The following ADARB1 variants were observed in gnomAD, a reference collection of about 807,000 sequenced individuals.
ADARB1 encodes adenosine deaminase RNA specific B1.
In ADARB1, 10 loss-of-function variants were observed where a neutral mutation model predicts 52.4. That is an observed-to-expected ratio of 0.19 (90% CI 0.12 to 0.32). The LOEUF is 0.32. Ranked by LOEUF, ADARB1 falls within the 10% of genes least tolerant of loss-of-function variation. The pLI is 1.00. For missense variants in ADARB1, 643 were observed against 922.3 expected, an observed-to-expected ratio of 0.70 and a Z score of 3.92; for synonymous variants, 349 against 371.1, an observed-to-expected ratio of 0.94 and a Z score of 0.68.
intron 1 of ADARB1, among the ~76,000 whole-genome samples, chr21:45,105,240 A>G (rs1432748234): frequency 6.6e-6 from 1 of 152,108 alleles, no homozygotes; most frequent in Non-Finnish European, 1.5e-5. Flanking sequence ...AGCTGGGATT[A>G]CAGGTGCCCG....
chr21:45,184,519 G>A, intron 7 of ADARB1: 2 of 342,110 alleles, frequency 5.8e-6, no homozygotes, highest in South Asian at 2.3e-5. Flanking sequence ...TGCAATCATG[G>A]CTCACTGCAG....
intron 2 of ADARB1, among the ~76,000 whole-genome samples, chr21:45,162,418 C>T (rs536764527): frequency 1.3e-5 from 2 of 152,140 alleles, no homozygotes; most frequent in African/African-American, 4.8e-5. Flanking sequence ...ACACCTGGCT[C>T]CCCCTTGGCA....
In ADARB1 at chr21:45,222,824, A is replaced by C; in HGVS notation, c.*627A>C. 1.0e-6 allele frequency: 1 copy of C among 985,548 alleles called. No individual in the cohort carries two copies. Among genetic ancestry groups the C allele is most frequent in the Non-Finnish European group, 1.2e-6 (1 of 830,022 alleles). The allele number at this position is 985,548 out of a possible 1,614,324, so 61.1% of individuals were successfully genotyped here. On this transcript the variant is annotated 3_prime_UTR_variant, in exon 11 of 11. Coordinates refer to ENST00000348831, the MANE Select transcript of ADARB1 (RefSeq NM_001112.4). ...GTCTCTCCCTGAGGAGCAGACTCCC[A>C]GCATGGTGTAGCGTGGCCCTGTCAT...
intron 2 of ADARB1, among the ~76,000 whole-genome samples, chr21:45,171,230 G>A (rs1033655028): frequency 1.3e-5 from 2 of 152,194 alleles, no homozygotes; most frequent in Non-Finnish European, 2.9e-5. Flanking sequence ...CCCTAGTTCA[G>A]CGCTCTTCAT....
intron 1 of ADARB1, among the ~76,000 whole-genome samples, chr21:45,077,245 A>G (rs914170499): frequency 6.6e-6 from 1 of 152,240 alleles, no homozygotes; most frequent in African/African-American, 2.4e-5. Flanking sequence ...TATAATTCAA[A>G]TAGGAGGTAG....
intron 1 of ADARB1, among the ~76,000 whole-genome samples, chr21:45,126,867 C>T (rs1281807702): frequency 1.3e-5 from 2 of 152,224 alleles, no homozygotes; most frequent in African/African-American, 2.4e-5. Flanking sequence ...GTTTCCCATC[C>T]TGCAGACGGC....
chr21:45,190,748 CA>C (rs2092259119), intron 8 of ADARB1, among the ~76,000 whole-genome samples: 1 of 152,220 alleles, frequency 6.6e-6, no homozygotes, highest in South Asian at 2.1e-4. Context: ...ACTCTGGCAC[CA>C]GTCTCATCAC....
rs909966303 is a variant in ADARB1, at chr21:45,226,266, C to G, written c.*4069C>G. The G allele has an allele frequency of 1.3e-5, 2 of 152,558 alleles. No individual in the cohort carries two copies. The highest frequency in any genetic ancestry group is 4.1e-4 in the South Asian group (2 of 4,832). 9.5% of individuals were successfully genotyped at this position (152,558 alleles called of 1,614,324 possible). ...TGAACTGAACGGTTAAAAGCACAGTCTATGGAACGCTAATGGAGTCAGCCC... is the reference window on the plus strand; with the variant it reads ...TGAACTGAACGGTTAAAAGCACAGTGTATGGAACGCTAATGGAGTCAGCCC... On this transcript the variant is annotated 3_prime_UTR_variant, in exon 11 of 11. Coordinates refer to ENST00000348831, the MANE Select transcript of ADARB1 (RefSeq NM_001112.4).
chr21:45,182,902 A>G (rs1569133419), intron 6 of ADARB1, 149 bp downstream of exon 6: 9 of 738,564 alleles, frequency 1.2e-5, no homozygotes, highest in East Asian at 1.1e-4. Context: ...GCTGCATCCC[A>G]TTCTTCCACA....
intron 1 of ADARB1, among the ~76,000 whole-genome samples, chr21:45,083,578 C>T (rs560742455): frequency 6.6e-5 from 10 of 152,204 alleles, no homozygotes; most frequent in Non-Finnish European, 1.0e-4. Context: ...ATACTTATAA[C>T]TACATCTTGA....
chr21:45,216,890 T>A (rs907336926), intron 9 of ADARB1, among the ~76,000 whole-genome samples: 2 of 152,034 alleles, frequency 1.3e-5, no homozygotes, highest in African/African-American at 4.8e-5. Context: ...TGTGATTAGA[T>A]GCATAAAAAT....
Position 45,222,068 on chromosome 21 carries a change from T to G in ADARB1, c.1977T>G (p.His659Gln). Residue 659 changes from histidine (H) to glutamine (Q), a missense_variant, in exon 11 of 11, where the codon CAT becomes CAG. By Grantham distance (24) the His-to-Gln change is conservative (BLOSUM62 0). Transcript: ENST00000348831. ...AGATTACCAAGCCCAACGTGTACCATGAGTCCAAGCTGGCGGCAAAGGAGT... is the reference window on the plus strand; with the variant it reads ...AGATTACCAAGCCCAACGTGTACCAGGAGTCCAAGCTGGCGGCAAAGGAGT... ...RSKITKPNVY[H>Q]ESKLAAKEYQ... The G allele has an allele frequency of 6.2e-7, 1 of 1,613,676 alleles. No individual in the cohort carries two copies. The highest frequency in any genetic ancestry group is 8.5e-7 in the Non-Finnish European group (1 of 1,179,980).
rs565307659 is a variant in ADARB1, at chr21:45,102,433, C to T, written c.-219-25969C>T. Reference sequence around the variant, plus strand: ...ACAACTATATTTTTTAAACATGTAGCTGCATGTTCCATAAAACAGCATATA... The same window carrying T: ...ACAACTATATTTTTTAAACATGTAGTTGCATGTTCCATAAAACAGCATATA... On this transcript the variant is annotated intron_variant, in intron 1 of 10. Transcript: ENST00000348831. 3.9e-5 allele frequency among the ~76,000 whole-genome samples: 6 copies of T among 152,276 alleles called. No individual in the cohort carries two copies. In the East Asian group the frequency reaches 1.2e-3, roughly 29 times the overall value.
At chr21:45,218,718 A>G (rs1189049843) in intron 9 of ADARB1, among the ~76,000 whole-genome samples, 1 of 152,194 alleles carries the variant, frequency 6.6e-6, no homozygotes, top group African/African-American at 2.4e-5. Context: ...GGAGGGATAA[A>G]TGGTCATTGA....
chr21:45,192,337 C>A (rs2092321820), intron 8 of ADARB1, among the ~76,000 whole-genome samples: 1 of 152,124 alleles, frequency 6.6e-6, no homozygotes, highest in African/African-American at 2.4e-5. Flanking sequence ...ACAAAGATAG[C>A]CCCACCCCAA....
chr21:45,205,461 G>C (rs892963202), intron 9 of ADARB1, among the ~76,000 whole-genome samples: 12 of 152,088 alleles, frequency 7.9e-5, no homozygotes, highest in African/African-American at 2.9e-4. Context: ...GGACGTTTAC[G>C]CTGTCTTAGA....
At chr21:45,101,641 A>G (rs911290563) in intron 1 of ADARB1, among the ~76,000 whole-genome samples, 8 of 152,214 alleles carry the variant, frequency 5.3e-5, no homozygotes, top group Non-Finnish European at 1.2e-4. Flanking sequence ...TGGAAATTGT[A>G]ATGAACTTCA....
intron 8 of ADARB1, among the ~76,000 whole-genome samples, chr21:45,193,791 T>TA (rs1189868754): frequency 6.6e-6 from 1 of 152,236 alleles, no homozygotes; most frequent in Non-Finnish European, 1.5e-5. Context: ...CTGAAAGCTG[T>TA]ATATTGAAAA....
chr21:45,183,213 A>G, intron 6 of ADARB1, 149 bp from the exon 7 acceptor site: 1 of 738,472 alleles, frequency 1.4e-6, no homozygotes, highest in Non-Finnish European at 2.0e-6. Context: ...AGTGACAAGA[A>G]CTGTATTAAT....
Sources: allele counts gnomAD v4.1 joint callset (sites outside exome capture counted in the v4.1 genomes callset), GRCh38; gene constraint gnomAD v4.1.1; transcripts MANE v1.5; gene names NCBI Gene and HGNC (gene_info 2026-07-23, HGNC 2026-07-21).